The following DMD variants were observed in gnomAD, a reference collection of about 807,000 sequenced individuals.
DMD encodes mutant dystrophin.
A neutral mutation model predicts 330.1 loss-of-function variants in DMD; 63 were observed. That is an observed-to-expected ratio of 0.19 (90% confidence interval 0.16 to 0.24). The LOEUF (loss-of-function observed/expected upper bound fraction) is 0.24. Ranked by LOEUF, DMD falls within the 10% of genes least tolerant of loss-of-function variation. The pLI is 1.00. For missense variants in DMD, 3,344 were observed against 2,684.1 expected, an observed-to-expected ratio of 1.25 and a Z score of -5.43; for synonymous variants, 1,223 against 959.8, an observed-to-expected ratio of 1.27 and a Z score of -5.07.
intron 44 of DMD, among the ~76,000 whole-genome samples, chrX:32,115,549 T>TA (rs1329324704): frequency 1.8e-5 from 2 of 111,448 alleles, no homozygotes; most frequent in African/African-American, 6.5e-5. Context: ...GGCCAACTCT[T>TA]ACGTTATTAT....
rs771785387 is a variant in DMD at position 31,290,904 on chromosome X, CA to C, written c.9225-29889del. The stretch of plus-strand genomic sequence containing the variant: ...AGCTTGGAGTGAGGACAATTTAAGT[CA>C]AATCAGTTTTTTGGAATGTCCACAA... On this transcript the variant is annotated intron_variant, in intron 62 of 78. Transcript: ENST00000357033. Among the ~76,000 whole-genome samples the C allele has an allele frequency of 4.4e-3, 490 of 111,753 alleles. 3 individuals are homozygous for C. Among genetic ancestry groups the C allele is most frequent in the African/African-American group, 0.015 (463 of 30,800 alleles).
At chrX:31,517,959 ACACACC>A (rs1481270038) in intron 55 of DMD, among the ~76,000 whole-genome samples, 1 of 103,322 alleles carries the variant, frequency 9.7e-6, no homozygotes, top group African/African-American at 3.6e-5. Context: ...ACACACACAC[ACACACC>A]TTGGGGCCAA....
At chrX:31,970,770 AAATTATTAAGGC>A (rs745628188) in intron 44 of DMD, among the ~76,000 whole-genome samples, 69 of 111,330 alleles carry the variant, frequency 6.2e-4, no homozygotes, top group Middle Eastern at 4.6e-3. Flanking sequence ...GAGGCAACGT[AAATTATTAAGGC>A]AACATGAACT....
rs904929451 is a variant in DMD at position 32,218,092 on chromosome X, C to A, written c.6291-1029G>T. Among the ~76,000 whole-genome samples the A allele has an allele frequency of 2.7e-5, 3 of 111,362 alleles. No individual in the cohort carries two copies. In the East Asian group the frequency reaches 8.5e-4, roughly 32 times the overall value. On this transcript the variant is annotated intron_variant, in intron 43 of 78. Coordinates refer to ENST00000357033, the MANE Select transcript of DMD (RefSeq NM_004006.3). Reference sequence around the variant, plus strand: ...GGTCACCTTCCAGTCATAAAAGAGACTGAGGCAGAAATAATATGAACCAGG... The same window carrying A: ...GGTCACCTTCCAGTCATAAAAGAGAATGAGGCAGAAATAATATGAACCAGG...
At position 32,203,480 on chromosome X, in the gene DMD, A is replaced by G. The variant is rs752745493; in HGVS notation, c.6438+13436T>C. Among the ~76,000 whole-genome samples the G allele has an allele frequency of 5.3e-5, 6 of 112,487 alleles. No homozygotes were observed. The East Asian group carries it at 1.7e-3, about 32-fold the overall frequency. On this transcript the variant is annotated intron_variant, in intron 44 of 78. Coordinates refer to ENST00000357033, the MANE Select transcript of DMD (RefSeq NM_004006.3). ...GAAGGCTGATATTCAGGGAACAGTA[A>G]ATTTTAAGGAAAAGCAGTTTTGCCT... is the stretch of plus-strand genomic sequence containing the variant.
At chrX:31,156,287 A>G (rs56900217) in intron 74 of DMD, among the ~76,000 whole-genome samples, 6,048 of 112,077 alleles carry the variant, frequency 0.054, 351 homozygotes, top group African/African-American at 0.17. Flanking sequence ...AAGGTTTTAT[A>G]TAAGACATTT....
rs776651655 is a variant in DMD, at chrX:32,976,635, A to G, written c.93+43504T>C. On this transcript the variant is annotated intron_variant, in intron 2 of 78. Transcript: ENST00000357033. ...CCCATTACTTTAAAATATGCTGTTC[A>G]TGGCATTTTAATCATTCATACCACT... Among the ~76,000 whole-genome samples the G allele has an allele frequency of 9.8e-5, 11 of 111,893 alleles. No individual in the cohort carries two copies. In the South Asian group the frequency reaches 4.1e-3, roughly 42 times the overall value.
At chrX:32,639,525 C>G (rs1290234202) in intron 11 of DMD, among the ~76,000 whole-genome samples, 1 of 112,444 alleles carries the variant, frequency 8.9e-6, no homozygotes, top group Non-Finnish European at 1.9e-5. Context: ...TTGTAATTGA[C>G]CAGTATCGGC....
intron 44 of DMD, among the ~76,000 whole-genome samples, chrX:32,147,861 C>T (rs1317130349): frequency 9.4e-6 from 1 of 106,270 alleles, no homozygotes; most frequent in Non-Finnish European, 1.9e-5. Context: ...ACTGTATACA[C>T]TCAAAAAAAT....
chrX:33,066,538 T>A (rs1380738472), intron 1 of DMD, among the ~76,000 whole-genome samples: 1 of 103,769 alleles, frequency 9.6e-6, no homozygotes, highest in Non-Finnish European at 2.0e-5. Context: ...CTGGCTGGAG[T>A]AGAATGGCAT....
intron 1 of DMD, among the ~76,000 whole-genome samples, chrX:33,234,518 A>C (rs1323394835): frequency 9.0e-6 from 1 of 111,511 alleles, no homozygotes; most frequent in Non-Finnish European, 1.9e-5. Context: ...TAATATCGAC[A>C]ATGCACTTAG....
chrX:31,722,157 T>C (rs1333712732), intron 52 of DMD, among the ~76,000 whole-genome samples: 1 of 110,896 alleles, frequency 9.0e-6, no homozygotes, highest in Non-Finnish European at 1.9e-5. Flanking sequence ...TCACTCTTGT[T>C]GCCCAGGTTA....
intron 55 of DMD, among the ~76,000 whole-genome samples, chrX:31,604,909 C>T (rs1368459109): frequency 9.0e-6 from 1 of 111,680 alleles, no homozygotes; most frequent in East Asian, 2.8e-4. Context: ...TCATTTATGT[C>T]AAAAGATTAA....
At chrX:32,904,768 G>T (rs1026765947) in intron 2 of DMD, among the ~76,000 whole-genome samples, 2 of 111,239 alleles carry the variant, frequency 1.8e-5, no homozygotes, top group South Asian at 7.7e-4. Flanking sequence ...TAGAGACAGG[G>T]TTTCACCATG....
intron 11 of DMD, among the ~76,000 whole-genome samples, chrX:32,636,928 G>A (rs1270353341): frequency 9.1e-6 from 1 of 110,006 alleles, no homozygotes; most frequent in Non-Finnish European, 1.9e-5. Context: ...AACCCGGGGG[G>A]CGGAGCTTGC....
At chrX:32,432,309 A>C (rs1233675093) in intron 29 of DMD, among the ~76,000 whole-genome samples, 2 of 111,431 alleles carry the variant, frequency 1.8e-5, no homozygotes, top group Admixed American at 1.9e-4. Flanking sequence ...CAAATGACTT[A>C]ATTCACCTAA....
chrX:31,478,863 G>T, intron 58 of DMD, 120 bp downstream of exon 58: 1 of 740,517 alleles, frequency 1.4e-6, no homozygotes, highest in South Asian at 2.7e-5. Flanking sequence ...AATTTGAATT[G>T]ATTCTATTTA....
At chrX:32,587,652 T>G (rs927640911) in intron 13 of DMD, among the ~76,000 whole-genome samples, 2 of 110,872 alleles carry the variant, frequency 1.8e-5, no homozygotes, top group Non-Finnish European at 3.8e-5. Context: ...TTGGAGGCTA[T>G]CAAGTCTAAC....
intron 17 of DMD, among the ~76,000 whole-genome samples, chrX:32,534,475 T>C (rs1271820036): frequency 9.0e-6 from 1 of 111,495 alleles, no homozygotes; most frequent in Non-Finnish European, 1.9e-5. Context: ...GATGTGACTG[T>C]TTCCCCTTTG....
Sources: allele counts gnomAD v4.1 joint callset (sites outside exome capture counted in the v4.1 genomes callset), GRCh38; gene constraint gnomAD v4.1.1; transcripts MANE v1.5; gene names NCBI Gene and HGNC (gene_info 2026-07-23, HGNC 2026-07-21).